NAV2: variants seen among roughly 807,000 people sequenced by gnomAD.
The protein encoded by NAV2 is helicase, APC down-regulated 1.
Under a neutral mutation model 223.2 loss-of-function variants are expected in NAV2, and 54 were observed. The ratio of observed to expected loss-of-function variants is 0.24; its 90% CI spans 0.19 to 0.30. The LOEUF (loss-of-function observed/expected upper bound fraction) is 0.30, where lower values mean the gene tolerates loss of function less well. Ranked by LOEUF, NAV2 falls within the 10% of genes least tolerant of loss-of-function variation. NAV2 has a pLI of 1.00. For missense variants in NAV2, 2,806 were observed against 3,147.5 expected (o/e 0.89, Z 2.60); for synonymous variants, 1,279 against 1,239.3 (o/e 1.03, Z -0.67).
intron 1 of NAV2, among the ~76,000 whole-genome samples, chr11:19,357,421 G>A (rs1475468296): frequency 6.6e-6 from 1 of 152,138 alleles, no homozygotes; most frequent in Non-Finnish European, 1.5e-5. Context: ...TTTTCATTAT[G>A]AAAATTAGGA....
At chr11:19,686,892 A>C (rs149101649) in intron 1 of NAV2, among the ~76,000 whole-genome samples, 1 of 152,372 alleles carries the variant, frequency 6.6e-6, no homozygotes, top group African/African-American at 2.4e-5. Flanking sequence ...TAAACCCTTC[A>C]TATGCAGTAC....
intron 1 of NAV2, among the ~76,000 whole-genome samples, chr11:19,552,230 G>A (rs1655943030): frequency 6.6e-6 from 1 of 152,220 alleles, no homozygotes; most frequent in Admixed American, 6.5e-5. Context: ...TCTTTGCGGT[G>A]CCTGGGGCTG....
chr11:19,904,574 A>G (rs577392721), intron 6 of NAV2, among the ~76,000 whole-genome samples: 1 of 152,344 alleles, frequency 6.6e-6, no homozygotes, highest in African/African-American at 2.4e-5. Context: ...TTGGAAATAA[A>G]GGATGTTTTT....
intron 1 of NAV2, among the ~76,000 whole-genome samples, chr11:19,660,185 A>G (rs1413631977): frequency 1.3e-5 from 2 of 152,154 alleles, no homozygotes; most frequent in African/African-American, 4.8e-5. Context: ...TGCAGAAAAT[A>G]TCAGGTTTGG....
intron 8 of NAV2, among the ~76,000 whole-genome samples, chr11:19,942,557 A>T (rs1453057615): frequency 6.6e-6 from 1 of 152,236 alleles, no homozygotes; most frequent in Non-Finnish European, 1.5e-5. Flanking sequence ...ATCTGTGGAT[A>T]ACTGAAGTCC....
At chr11:19,901,051 C>T (rs2042403307) in intron 6 of NAV2, among the ~76,000 whole-genome samples, 1 of 152,226 alleles carries the variant, frequency 6.6e-6, no homozygotes, top group Non-Finnish European at 1.5e-5. Flanking sequence ...ACTGTTGTCT[C>T]TCAAGGTGTG....
chr11:19,750,673 A>G (rs1390158792), intron 1 of NAV2, among the ~76,000 whole-genome samples: 1 of 152,188 alleles, frequency 6.6e-6, no homozygotes, highest in Non-Finnish European at 1.5e-5. Context: ...CTCACTTCAG[A>G]TAGAGTAACT....
intron 1 of NAV2, among the ~76,000 whole-genome samples, chr11:19,556,077 T>C (rs970501238): frequency 2.6e-5 from 4 of 152,186 alleles, no homozygotes; most frequent in African/African-American, 9.7e-5. Context: ...TCCATGTGCT[T>C]GCAGCTCCCC....
chr11:19,790,043 A>G (rs1044215621), intron 1 of NAV2, among the ~76,000 whole-genome samples: 2 of 152,176 alleles, frequency 1.3e-5, no homozygotes, highest in Admixed American at 6.5e-5. Context: ...TCTCTTTGCC[A>G]AGGGGGAAAA....
chr11:19,627,581 C>A (rs1000281402), intron 1 of NAV2, among the ~76,000 whole-genome samples: 1 of 152,034 alleles, frequency 6.6e-6, no homozygotes, highest in African/African-American at 2.4e-5. Context: ...GTGCCACAGA[C>A]CTTTAAGTGA....
At position 20,120,539 on chromosome 11, in the gene NAV2, G is replaced by T. The variant is rs531476194; in HGVS notation, c.*2281G>T. ...GAGGAGGTAAAGTTGACTTCTCCTC[G>T]TGGGCAGTTTTCCAATCACCTTGTG... is the stretch of plus-strand genomic sequence containing the variant. On this transcript the variant is annotated 3_prime_UTR_variant, in exon 38 of 38. Coordinates refer to ENST00000349880, the MANE Select transcript of NAV2 (RefSeq NM_145117.5). 45 of 152,522 alleles carry T rather than the reference G, an allele frequency of 3.0e-4. No homozygotes were observed. Among genetic ancestry groups the T allele is most frequent in the Non-Finnish European group, 2.6e-4 (18 of 68,016 alleles). The allele number at this position is 152,522 out of a possible 1,614,324, so 9.4% of individuals were successfully genotyped here. A position where few individuals can be genotyped will look rare whatever the true frequency, so the allele number is the denominator to read the frequency against.
chr11:20,106,465 C>A (rs1281762136), intron 35 of NAV2, among the ~76,000 whole-genome samples: 3 of 137,438 alleles, frequency 2.2e-5, no homozygotes, highest in Non-Finnish European at 4.6e-5. Flanking sequence ...GAGGCTGAGG[C>A]AGGAGAATCG....
intron 1 of NAV2, among the ~76,000 whole-genome samples, chr11:19,574,104 AGACTTGAGTTCTGATCCTG>A (rs2045503971): frequency 6.6e-6 from 1 of 152,194 alleles, no homozygotes; most frequent in Non-Finnish European, 1.5e-5. Context: ...AGAGTTGGAA[AGACTTGAGTTCTGATCCTG>A]GCTTTGCCAC....
chr11:19,698,653 T>C (rs769902220), intron 1 of NAV2, among the ~76,000 whole-genome samples: 16 of 152,210 alleles, frequency 1.1e-4, no homozygotes, highest in Non-Finnish European at 1.0e-4. Context: ...ACACAACCTT[T>C]CTGGAAGGGT....
intron 1 of NAV2, chr11:19,777,886 C>A (rs760847299): frequency 4.4e-5 from 20 of 455,828 alleles, no homozygotes; most frequent in Middle Eastern, 3.2e-4. Context: ...TGGTCCGCGT[C>A]CCCCGAGCCC....
intron 1 of NAV2, among the ~76,000 whole-genome samples, chr11:19,514,305 GAAC>G (rs1393417150): frequency 6.6e-6 from 1 of 152,100 alleles, no homozygotes; most frequent in Admixed American, 6.5e-5. Flanking sequence ...CTCAGTACTA[GAAC>G]AACAATTCTG....
intron 1 of NAV2, among the ~76,000 whole-genome samples, chr11:19,759,464 G>T (rs2054545431): frequency 6.6e-6 from 1 of 152,110 alleles, no homozygotes; most frequent in African/African-American, 2.4e-5. Context: ...GGTATTGTTT[G>T]AATTTAGTGT....
chr11:20,039,436 C>T (rs149246592), intron 12 of NAV2, among the ~76,000 whole-genome samples: 20 of 152,054 alleles, frequency 1.3e-4, no homozygotes, highest in African/African-American at 4.6e-4. Flanking sequence ...TCCCTCCCTT[C>T]CTCCCTCCTC....
intron 1 of NAV2, among the ~76,000 whole-genome samples, chr11:19,802,111 G>C (rs1399630210): frequency 1.3e-5 from 2 of 152,130 alleles, no homozygotes; most frequent in Non-Finnish European, 2.9e-5. Flanking sequence ...TATCTCCGAA[G>C]GGCTAGAAGG....
Sources: gnomAD v4.1 joint callset for allele counts (sites outside exome capture counted in the v4.1 genomes callset) on GRCh38, gnomAD v4.1.1 for gene constraint, MANE v1.5 for transcripts, NCBI Gene and HGNC (gene_info 2026-07-23, HGNC 2026-07-21) for gene names.